ARID2: variants seen among roughly 807,000 people sequenced by gnomAD.
ARID2 encodes the protein AT-rich interactive domain-containing protein 2.
Under a neutral mutation model 184.6 loss-of-function variants are expected in ARID2, and 32 were observed. That is an observed-to-expected ratio of 0.17 (90% CI 0.13 to 0.23). The LOEUF is 0.23. Ranked by LOEUF, ARID2 falls within the 10% of genes least tolerant of loss-of-function variation. The pLI, the probability that ARID2 is intolerant of heterozygous loss-of-function variation, is 1.00. For synonymous variants in ARID2, 836 were observed against 772.6 expected (o/e 1.08, Z -1.36); for missense variants, 1,696 against 2,197.6 (o/e 0.77, Z 4.56).
chr12:45,798,036 A>G (rs1056625449), intron 3 of ARID2, among the ~76,000 whole-genome samples: 1 of 152,168 alleles, frequency 6.6e-6, no homozygotes, highest in African/African-American at 2.4e-5. Flanking sequence ...GCAAGCATAT[A>G]GCTAATCTTC....
chr12:45,899,035 A>T (rs957136424), intron 20 of ARID2, among the ~76,000 whole-genome samples: 1 of 152,028 alleles, frequency 6.6e-6, no homozygotes, highest in Admixed American at 6.5e-5. Context: ...GTACTTTGGG[A>T]GGCTGAGGCA....
chr12:45,849,795 T>C lies in ARID2; in HGVS notation c.1912+19T>C, dbSNP rs1402045216. 1 of 1,594,756 alleles carries C rather than the reference T, an allele frequency of 6.3e-7. No homozygotes were observed. The highest frequency in any genetic ancestry group is 1.1e-5 in the South Asian group (1 of 88,170). The stretch of plus-strand genomic sequence containing the variant: ...CCTGCAGGTGTTAATTTTTATTGTA[T>C]TTTTAAAGTATTACTGATTTAATAA... On this transcript the variant is annotated intron_variant, in intron 14 of 20. Transcript: ENST00000334344.
chr12:45,849,959 C>G (rs1172544522), intron 14 of ARID2, 77 bp from the exon 15 acceptor site: 12 of 1,501,518 alleles, frequency 8.0e-6, no homozygotes, highest in Non-Finnish European at 1.1e-5. Flanking sequence ...AAACTATTTT[C>G]TCTTAAGTAA....
chr12:45,830,404 A>T (rs1250124275), intron 6 of ARID2, among the ~76,000 whole-genome samples: 3 of 152,104 alleles, frequency 2.0e-5, no homozygotes, highest in Admixed American at 6.6e-5. Flanking sequence ...GAGATTGGGG[A>T]GTAGGCCAGT....
chr12:45,771,124 G>A (rs1941867259), intron 3 of ARID2, among the ~76,000 whole-genome samples: 1 of 152,146 alleles, frequency 6.6e-6, no homozygotes, highest in South Asian at 2.1e-4. Flanking sequence ...TAGTATAAAT[G>A]CATATTTCTT....
chr12:45,799,131 C>T (rs952902810), intron 3 of ARID2, among the ~76,000 whole-genome samples: 3 of 151,964 alleles, frequency 2.0e-5, no homozygotes, highest in African/African-American at 7.2e-5. Flanking sequence ...TTGTTTGTCT[C>T]TCCCCATGAG....
chr12:45,842,785 T>G (rs1241787453), intron 11 of ARID2, among the ~76,000 whole-genome samples: 1 of 151,892 alleles, frequency 6.6e-6, no homozygotes, highest in African/African-American at 2.4e-5. Flanking sequence ...AAACAAAAAT[T>G]TACTTGAAAT....
chr12:45,791,854 A>G (rs1274701954), intron 3 of ARID2, among the ~76,000 whole-genome samples: 1 of 152,244 alleles, frequency 6.6e-6, no homozygotes, highest in Non-Finnish European at 1.5e-5. Context: ...AGTTTGTATT[A>G]CAGATTGAAT....
intron 4 of ARID2, among the ~76,000 whole-genome samples, chr12:45,816,367 A>G (rs1942802784): frequency 6.6e-6 from 1 of 152,234 alleles, no homozygotes; most frequent in African/African-American, 2.4e-5. Flanking sequence ...GGGAGAAAAT[A>G]TGTGCAAAGC....
chr12:45,831,209 T>C (rs985441796), intron 6 of ARID2, among the ~76,000 whole-genome samples: 2 of 152,174 alleles, frequency 1.3e-5, no homozygotes, highest in African/African-American at 4.8e-5. Context: ...ACACGATTGA[T>C]TGTTGTTTTT....
chr12:45,731,106 C>G lies in ARID2; in HGVS notation c.187-111C>G, dbSNP rs1375939898. 11 of 768,444 alleles carry G rather than the reference C, an allele frequency of 1.4e-5. No individual in the cohort carries two copies. The Admixed American group carries it at 2.3e-4, about 16-fold the overall frequency. 47.6% of individuals were successfully genotyped at this position (768,444 alleles called of 1,614,324 possible). On this transcript the variant is annotated intron_variant, in intron 2 of 20. Coordinates refer to ENST00000334344, the MANE Select transcript of ARID2 (RefSeq NM_152641.4). ...CTTACCGATCGATCCGAAACACCCA[C>G]TGATGCCTTAGGTATCTACAGATCT...
chr12:45,796,151 TG>T (rs1380974718), intron 3 of ARID2, among the ~76,000 whole-genome samples: 1 of 152,102 alleles, frequency 6.6e-6, no homozygotes, highest in Non-Finnish European at 1.5e-5. Flanking sequence ...GAATAACTTC[TG>T]TTTACTCCTT....
chr12:45,730,237 C>CG, intron 2 of ARID2, 100 bp downstream of exon 2: 1 of 1,190,216 alleles, frequency 8.4e-7, no homozygotes, highest in Non-Finnish European at 1.2e-6. Context: ...GGGTGGCCCG[C>CG]GGGGGCAAAA....
At position 45,821,476 on chromosome 12, in the gene ARID2, G is replaced by C; in HGVS notation, c.694G>C (p.Asp232His). The change falls in exon 6 of 21, where the codon GAC becomes CAC. Residue 232 changes from aspartate (D) to histidine (H), a missense_variant. By Grantham distance (81) the Asp-to-His change is moderately conservative (BLOSUM62 -1). Around this residue, in one of 11 missense-constraint regions of ARID2, gnomAD observed 148 missense variants for 285.4 expected, o/e 0.52. Transcript: ENST00000334344. Reference sequence around the variant, plus strand: ...AGAATGGAAAGAGAAGACTGATAGAGACTTCGTTAAGGTAAATCATTTTAA... The same window carrying C: ...AGAATGGAAAGAGAAGACTGATAGACACTTCGTTAAGGTAAATCATTTTAA... ...GEEWKEKTDR[D>H]FVKFWKDIVD... 2 of 1,508,776 alleles carry C rather than the reference G, an allele frequency of 1.3e-6. No homozygotes were observed. The highest frequency in any genetic ancestry group is 1.8e-6 in the Non-Finnish European group (2 of 1,134,324). 93.5% of individuals were successfully genotyped at this position (1,508,776 alleles called of 1,614,324 possible). A position where few individuals can be genotyped will look rare whatever the true frequency, so the allele number is the denominator to read the frequency against.
At chr12:45,767,083 T>TCC in intron 3 of ARID2, among the ~76,000 whole-genome samples, 1 of 152,200 alleles carries the variant, frequency 6.6e-6, no homozygotes, top group Non-Finnish European at 1.5e-5. Flanking sequence ...TTTTTTGCCA[T>TCC]CCTCATAGGT....
At chr12:45,806,782 C>A (rs1215351074) in intron 3 of ARID2, among the ~76,000 whole-genome samples, 1 of 152,088 alleles carries the variant, frequency 6.6e-6, no homozygotes, top group Non-Finnish European at 1.5e-5. Flanking sequence ...CAGTGTAGGT[C>A]CCTGTCACCG....
At chr12:45,864,960 T>A (rs1301589841) in intron 16 of ARID2, among the ~76,000 whole-genome samples, 1 of 152,172 alleles carries the variant, frequency 6.6e-6, no homozygotes, top group African/African-American at 2.4e-5. Context: ...GGTTTTTGTT[T>A]ATTTTGTTTG....
intron 16 of ARID2, chr12:45,882,387 G>GA (rs766478412): frequency 1.8e-4 from 28 of 152,176 alleles, no homozygotes; most frequent in Non-Finnish European, 2.1e-4. Flanking sequence ...TTGTCTGATA[G>GA]AAAATTACTG....
At chr12:45,759,845 C>T (rs187377296) in intron 3 of ARID2, among the ~76,000 whole-genome samples, 497 of 152,198 alleles carry the variant, frequency 3.3e-3, no homozygotes, top group African/African-American at 0.011. Flanking sequence ...GGCATGCAAG[C>T]GCGTGCCTGG....
Sources: gnomAD v4.1 joint callset for allele counts (sites outside exome capture counted in the v4.1 genomes callset) on GRCh38, gnomAD v4.1.1 for gene constraint, gnomAD v4.1.1 regional missense constraint, MANE v1.5 for transcripts, NCBI Gene and HGNC (gene_info 2026-07-23, HGNC 2026-07-21) for gene names.